PMFBP1: variants seen among roughly 807,000 people sequenced by gnomAD.
PMFBP1 encodes polyamine-modulated factor 1-binding protein 1.
A neutral mutation model predicts 137.8 loss-of-function variants in PMFBP1; 131 were observed. The observed-to-expected ratio is 0.95, with a 90% CI of 0.82 to 1.10. The LOEUF (loss-of-function observed/expected upper bound fraction) is 1.10, where lower values mean the gene tolerates loss of function less well. Among genes scored for constraint, PMFBP1 ranks in the 50% least tolerant of loss-of-function variants. The pLI, the probability that PMFBP1 is intolerant of heterozygous loss-of-function variation, is 0.00. For synonymous variants in PMFBP1, 490 were observed against 450.4 expected (o/e 1.09, Z -1.11); for missense variants, 1,199 against 1,175.4 (o/e 1.02, Z -0.29).
the PMFBP1 span, among the ~76,000 whole-genome samples, chr16:72,231,910 GACACCCATTTGTCATCTGA>G: frequency 1.0e-5 from 1 of 97,560 alleles, no homozygotes; most frequent in Non-Finnish European, 2.2e-5. Context: ...CTTTTGGGAA[GACACCCATTTGTCATCTGA>G]TATGCTTGGA....
At position 72,120,020 on chromosome 16, in the gene PMFBP1, C is replaced by G; in HGVS notation, c.2838G>C (p.Lys946Asn). The change falls in exon 20 of 21, where the codon AAG becomes AAC. Residue 946 changes from lysine to asparagine, a missense_variant. Coordinates refer to ENST00000237353, the MANE Select transcript of PMFBP1 (RefSeq NM_031293.3). ...NKKLKKEIEE[K>N]KMKAENTRLC... is the part of the protein sequence containing the mutation. ...GCCTTGTGTTCTCGGCTTTCATCTT[C>G]TTCTCTTCTATCTCCTTCTTCAGCT... 1 of 1,614,124 alleles carries G rather than the reference C, an allele frequency of 6.2e-7. No individual in the cohort carries two copies. Among genetic ancestry groups the G allele is most frequent in the Non-Finnish European group, 8.5e-7 (1 of 1,179,980 alleles).
At chr16:72,119,002 T>C (rs1245840300), downstream of PMFBP1, 1 of 253,846 alleles carries the variant, frequency 3.9e-6, no homozygotes, top group Non-Finnish European at 7.4e-6. Flanking sequence ...AAGAGACCAA[T>C]ATCTCTTAGA....
In PMFBP1 at chr16:72,126,060, A is replaced by T; in HGVS notation, c.2161T>A (p.Tyr721Asn). ...LDKALQKEKH[Y>N]LQTTITKEAY... ...TCTTTGGTGATGGTAGTCTGGAGAT[A>T]GTGCTTCTCCTTCTGCAGAGCTTTG... Residue 721 changes from tyrosine to asparagine, a missense_variant, in exon 15 of 21, where the codon TAT (tyrosine) becomes AAT (asparagine). By Grantham distance (143) the Tyr-to-Asn change is moderately radical. Coordinates refer to ENST00000237353, the MANE Select transcript of PMFBP1 (RefSeq NM_031293.3). 6.2e-7 allele frequency: 1 copy of T among 1,614,188 alleles called. No homozygotes were observed. Among genetic ancestry groups the T allele is most frequent in the Non-Finnish European group, 8.5e-7 (1 of 1,180,010 alleles).
At chr16:72,224,487 A>G in the PMFBP1 span, 9 of 152,074 alleles carry the variant, frequency 5.9e-5, no homozygotes, top group Admixed American at 5.9e-4. Flanking sequence ...ATCTCTCCCT[A>G]TCTCCTTTTC....
At chr16:72,217,325 C>G in the PMFBP1 span, among the ~76,000 whole-genome samples, 6 of 152,236 alleles carry the variant, frequency 3.9e-5, no homozygotes, top group Middle Eastern at 3.4e-3. Context: ...ATACACAGTA[C>G]TCTGTTGTAA....
At chr16:72,145,200 T>C (rs1040033446) in intron 5 of PMFBP1, among the ~76,000 whole-genome samples, 1 of 152,110 alleles carries the variant, frequency 6.6e-6, no homozygotes, top group African/African-American at 2.4e-5. Context: ...CACAGTGAAA[T>C]CAAATTAGAA....
chr16:72,246,618 C>G, the PMFBP1 span, among the ~76,000 whole-genome samples: 32 of 152,012 alleles, frequency 2.1e-4, no homozygotes, highest in African/African-American at 7.5e-4. Context: ...AAGATCTGGC[C>G]ACAAGGTTAC....
the PMFBP1 span, among the ~76,000 whole-genome samples, chr16:72,220,257 A>C: frequency 6.6e-6 from 1 of 152,270 alleles, no homozygotes; most frequent in Admixed American, 6.5e-5. Context: ...TATTTGCAAT[A>C]ACAGTTTGAG....
chr16:72,184,310 G>C, the PMFBP1 span, among the ~76,000 whole-genome samples: 2 of 152,122 alleles, frequency 1.3e-5, no homozygotes, highest in Non-Finnish European at 2.9e-5. Context: ...TGGAGCTCCA[G>C]ATTTGGATAA....
the PMFBP1 span, among the ~76,000 whole-genome samples, chr16:72,238,396 G>T: frequency 6.6e-6 from 1 of 152,182 alleles, no homozygotes; most frequent in Non-Finnish European, 1.5e-5. Context: ...TTTCTCTAAT[G>T]ATCAGCAATG....
At chr16:72,124,626 C>T (rs2042425734) in intron 17 of PMFBP1, 141 bp downstream of exon 17, 1 of 1,031,798 alleles carries the variant, frequency 9.7e-7, no homozygotes, top group Non-Finnish European at 1.4e-6. Context: ...GTGGCTCTTG[C>T]TTTGTGCTAA....
Position 72,171,238 on chromosome 16 carries a change from C to A in PMFBP1, c.-30G>T, listed in dbSNP as rs772340072. 14 of 1,612,938 alleles carry A rather than the reference C, an allele frequency of 8.7e-6. No homozygotes were observed. In the Admixed American group the frequency reaches 1.2e-4, roughly 13 times the overall value. On this transcript the variant is annotated 5_prime_UTR_variant, in exon 2 of 21. Coordinates refer to ENST00000237353, the MANE Select transcript of PMFBP1 (RefSeq NM_031293.3). Reference sequence around the variant, plus strand: ...TTGGCAGCTCTCAATTCTCCTTTAACCTTTAGTATTTTCTGAGCTTTGTTA... The same window carrying A: ...TTGGCAGCTCTCAATTCTCCTTTAAACTTTAGTATTTTCTGAGCTTTGTTA...
chr16:72,218,841 T>C, the PMFBP1 span, among the ~76,000 whole-genome samples: 354 of 152,254 alleles, frequency 2.3e-3, 1 homozygote, highest in Non-Finnish European at 4.3e-3. Context: ...AAAGGTTGCA[T>C]GCAATTGTTC....
chr16:72,204,266 C>A, the PMFBP1 span, among the ~76,000 whole-genome samples: 1 of 151,376 alleles, frequency 6.6e-6, no homozygotes, highest in African/African-American at 2.4e-5. Flanking sequence ...TGGCTCACTG[C>A]GGCCTCAACA....
the PMFBP1 span, among the ~76,000 whole-genome samples, chr16:72,207,710 A>G: frequency 6.2e-5 from 9 of 144,030 alleles, no homozygotes; most frequent in South Asian, 4.5e-4. Flanking sequence ...CCAGTAGGGC[A>G]TGTGTGTGTG....
At position 72,136,593 on chromosome 16, in the gene PMFBP1, A is replaced by T. The variant is rs768430581; in HGVS notation, c.1058T>A (p.Leu353Gln). 6.2e-7 allele frequency: 1 copy of T among 1,613,942 alleles called. No homozygotes were observed. Among genetic ancestry groups the T allele is most frequent in the Non-Finnish European group, 8.5e-7 (1 of 1,180,012 alleles). ...KRNIMKDMMK[L>Q]ELDLHGLREE... The stretch of plus-strand genomic sequence containing the variant: ...CCGCAGTCCGTGCAGGTCCAGCTCC[A>T]GCTTCATCATGTCTACCATGGGGCG... Residue 353 changes from leucine to glutamine, a missense_variant, in exon 9 of 21, where the codon CTG becomes CAG. Transcript: ENST00000237353.
chr16:72,195,085 C>A, the PMFBP1 span, among the ~76,000 whole-genome samples: 1 of 152,336 alleles, frequency 6.6e-6, no homozygotes, highest in East Asian at 1.9e-4. Flanking sequence ...TCTCCCTTGA[C>A]AGAGAACTTG....
chr16:72,219,644 C>T, the PMFBP1 span, among the ~76,000 whole-genome samples: 1 of 152,032 alleles, frequency 6.6e-6, no homozygotes, highest in South Asian at 2.1e-4. Flanking sequence ...ATTGGCAGAT[C>T]CAGGTGGAGG....
At chr16:72,153,285 G>C (rs1057403345) in intron 4 of PMFBP1, among the ~76,000 whole-genome samples, 5 of 152,094 alleles carry the variant, frequency 3.3e-5, no homozygotes, top group African/African-American at 1.2e-4. Flanking sequence ...TTTTCACTAG[G>C]TGACAATATT....
Sources: allele counts gnomAD v4.1 joint callset (sites outside exome capture counted in the v4.1 genomes callset), GRCh38; gene constraint gnomAD v4.1.1; transcripts MANE v1.5; gene names NCBI Gene and HGNC (gene_info 2026-07-23, HGNC 2026-07-21).